ADD1: variants seen among roughly 807,000 people sequenced by gnomAD.
ADD1 encodes alpha-adducin.
In ADD1, 24 loss-of-function variants were observed where a neutral mutation model predicts 80.5. The ratio of observed to expected loss-of-function variants is 0.30; its 90% CI spans 0.22 to 0.42. The LOEUF is 0.42. Ranked by LOEUF, ADD1 falls within the 10% of genes least tolerant of loss-of-function variation. ADD1 has a pLI of 1.00. For missense variants in ADD1, 948 were observed against 1,019.0 expected, an observed-to-expected ratio of 0.93 and a Z score of 0.95; for synonymous variants, 373 against 393.8, an observed-to-expected ratio of 0.95 and a Z score of 0.63.
rs1035575295 is a variant in ADD1 at position 2,923,885 on chromosome 4, C to T, written c.1949-2129C>T. On this transcript the variant is annotated intron_variant, in intron 14 of 15. Coordinates refer to ENST00000683351, the MANE Select transcript of ADD1 (RefSeq NM_001354761.2). Reference sequence around the variant, plus strand: ...CCGAGCCCTGATTTGGACAGAAGCGCACTGCCTTCCTCACTGAGTCTTTGG... The same window carrying T: ...CCGAGCCCTGATTTGGACAGAAGCGTACTGCCTTCCTCACTGAGTCTTTGG... 4.6e-5 allele frequency among the ~76,000 whole-genome samples: 7 copies of T among 152,390 alleles called. No homozygotes were observed. The East Asian group carries it at 1.2e-3, about 25-fold the overall frequency.
intron 1 of ADD1, among the ~76,000 whole-genome samples, chr4:2,866,218 G>A (rs974442417): frequency 1.3e-5 from 2 of 152,184 alleles, no homozygotes; most frequent in Non-Finnish European, 2.9e-5. Context: ...CCAGGCTGGA[G>A]TGCAGTAGCA....
At chr4:2,872,670 C>T (rs1013317529) in intron 1 of ADD1, among the ~76,000 whole-genome samples, 4 of 152,226 alleles carry the variant, frequency 2.6e-5, no homozygotes, top group African/African-American at 9.6e-5. Flanking sequence ...GATCCTCTCT[C>T]CTCGGACTCC....
Position 2,904,789 on chromosome 4 carries a change from G to C in ADD1, c.1187G>C (p.Arg396Pro). Residue 396 changes from arginine (R) to proline (P), a missense_variant, in exon 10 of 16, where the codon CGA (arginine) becomes CCA (proline). Coordinates refer to ENST00000683351, the MANE Select transcript of ADD1 (RefSeq NM_001354761.2). ...GGCTACAGAACTGGCTACCCTTATC[G>C]ATACCCTGCTCTGAGAGAGAAGTCT... ...NLGYRTGYPY[R>P]YPALREKSKK... 6.2e-7 allele frequency: 1 copy of C among 1,614,112 alleles called. No individual in the cohort carries two copies. Among genetic ancestry groups the C allele is most frequent in the Non-Finnish European group, 8.5e-7 (1 of 1,179,998 alleles).
Position 2,905,125 on chromosome 4 carries a change from C to CTGTT in ADD1, c.1506+18_1506+21dup. ...AACTGCTTGGTCTGTGCCTACCTTACTGTTCATAGTTAGATGACGTAGAGC... is the reference window on the plus strand; with the variant it reads ...AACTGCTTGGTCTGTGCCTACCTTACTGTTTGTTCATAGTTAGATGACGTAGAGC... On this transcript the variant is annotated intron_variant, in intron 10 of 15. Transcript: ENST00000683351. 1 of 1,612,740 alleles carries CTGTT rather than the reference C, an allele frequency of 6.2e-7. No individual in the cohort carries two copies. Among genetic ancestry groups the CTGTT allele is most frequent in the South Asian group, 1.1e-5 (1 of 91,030 alleles).
chr4:2,851,091 A>T (rs540301726), intron 1 of ADD1, among the ~76,000 whole-genome samples: 2 of 152,294 alleles, frequency 1.3e-5, no homozygotes, highest in South Asian at 4.1e-4. Context: ...TCTATTGTTC[A>T]GGTTGGGGAA....
rs576019787 is a variant in ADD1 at position 2,907,814 on chromosome 4, C to T, written c.1578C>T (p.Asn526=). The T allele has an allele frequency of 3.1e-6, 5 of 1,614,032 alleles. No homozygotes were observed. In the East Asian group the frequency reaches 1.1e-4, roughly 36 times the overall value. ...VPNLFVPLNT[N]PKEVQEMRNK... is the part of the protein sequence containing the mutation. The stretch of plus-strand genomic sequence containing the variant: ...ACCTGTTTGTTCCATTGAACACTAA[C>T]CCAAAAGAGGTCCAGGAGATGAGGA... The change falls in exon 11 of 16, where the codon AAC becomes AAT. Residue 526 remains asparagine, a synonymous_variant. Coordinates refer to ENST00000683351, the MANE Select transcript of ADD1 (RefSeq NM_001354761.2).
rs1248965466 is a variant in ADD1, at chr4:2,904,931, G to A, written c.1329G>A (p.Glu443=). The change falls in exon 10 of 16, where the codon GAG becomes GAA. Residue 443 remains glutamate (E), a synonymous_variant. Coordinates refer to ENST00000683351, the MANE Select transcript of ADD1 (RefSeq NM_001354761.2). ...ACAGTTTTCAGAAGCAGCAGCGGGA[G>A]AAGACAAGATGGCTGAACTCTGGCC... The part of the protein sequence containing the change: ...LRHSFQKQQR[E]KTRWLNSGRG... 2 of 1,614,214 alleles carry A rather than the reference G, an allele frequency of 1.2e-6. No individual in the cohort carries two copies. The highest frequency in any genetic ancestry group is 2.2e-5 in the East Asian group (1 of 44,886).
intron 3 of ADD1, among the ~76,000 whole-genome samples, chr4:2,883,474 T>A (rs892368814): frequency 1.3e-5 from 2 of 152,182 alleles, no homozygotes; most frequent in Non-Finnish European, 2.9e-5. Flanking sequence ...AAATGATCCC[T>A]TAGTCTTTCT....
chr4:2,858,394 T>TGAA lies in ADD1; in HGVS notation c.-21+14371_-21+14373dup, dbSNP rs543983157. ...ATTCTCATTTTACAGATGAAGAAAC[T>TGAA]GAAATAGACAGAGATGAAGAAATGT... On this transcript the variant is annotated intron_variant, in intron 1 of 15. Coordinates refer to ENST00000683351, the MANE Select transcript of ADD1 (RefSeq NM_001354761.2). Among the ~76,000 whole-genome samples, 167 of 152,348 alleles carry TGAA rather than the reference T, an allele frequency of 1.1e-3. 1 individual carries two copies. Among genetic ancestry groups the TGAA allele is most frequent in the Admixed American group, 3.6e-3 (55 of 15,304 alleles).
chr4:2,871,633 A>G (rs1730471702), intron 1 of ADD1, among the ~76,000 whole-genome samples: 1 of 152,114 alleles, frequency 6.6e-6, no homozygotes, highest in Admixed American at 6.5e-5. Flanking sequence ...ACACATACAA[A>G]ATAGACAGCA....
chr4:2,924,602 T>C (rs551091021), intron 14 of ADD1, among the ~76,000 whole-genome samples: 2 of 152,324 alleles, frequency 1.3e-5, no homozygotes, highest in South Asian at 2.1e-4. Flanking sequence ...GCACTCCTCC[T>C]AAGAGGACCT....
At chr4:2,882,159 A>C (rs115217936) in intron 3 of ADD1, 99 bp downstream of exon 3, 1 of 1,105,596 alleles carries the variant, frequency 9.0e-7, no homozygotes, top group Admixed American at 2.9e-5. Context: ...ACTGTATAAC[A>C]TAACAGAGTT....
chr4:2,898,405 T>C (rs1735618570), intron 7 of ADD1, 28 bp from the exon 8 acceptor site: 1 of 1,613,980 alleles, frequency 6.2e-7, no homozygotes, highest in Non-Finnish European at 8.5e-7. Context: ...CCTGCCCAGC[T>C]CCACAGAGCA....
At chr4:2,886,327 A>G (rs929222069) in intron 4 of ADD1, among the ~76,000 whole-genome samples, 2 of 152,124 alleles carry the variant, frequency 1.3e-5, no homozygotes, top group Non-Finnish European at 2.9e-5. Flanking sequence ...TCTGGAGCTC[A>G]CCTTGTGATT....
intron 1 of ADD1, chr4:2,867,851 G>A (rs957240781): frequency 2.0e-5 from 3 of 152,198 alleles, no homozygotes; most frequent in African/African-American, 7.2e-5. Flanking sequence ...CAGGCAGCCC[G>A]AGTTCAGACT....
chr4:2,918,772 CAT>C lies in ADD1; in HGVS notation c.1948+3733_1948+3734del, dbSNP rs774140308. On this transcript the variant is annotated intron_variant, in intron 14 of 15. Coordinates refer to ENST00000683351, the MANE Select transcript of ADD1 (RefSeq NM_001354761.2). ...CTTTTTCTGCGTCTATTGAGATAAT[CAT>C]GTGGTTTTTGTCATTGGTTCTATTT... is the stretch of plus-strand genomic sequence containing the variant. Among the ~76,000 whole-genome samples the C allele has an allele frequency of 1.1e-4, 17 of 151,518 alleles. No individual in the cohort carries two copies. In the East Asian group the frequency reaches 2.3e-3, roughly 21 times the overall value.
intron 13 of ADD1, among the ~76,000 whole-genome samples, chr4:2,910,181 G>A (rs1298306576): frequency 6.7e-6 from 1 of 150,374 alleles, no homozygotes; most frequent in Non-Finnish European, 1.5e-5. Context: ...CACGCAGAAA[G>A]GGGCTGACCG....
intron 8 of ADD1, 83 bp from the exon 9 acceptor site, chr4:2,899,176 G>A: frequency 2.1e-6 from 3 of 1,412,610 alleles, no homozygotes; most frequent in Admixed American, 4.6e-5. Context: ...GGTTTCTTTT[G>A]AAACCTACAT....
At chr4:2,898,618 G>A (rs755854158) in intron 8 of ADD1, 87 bp downstream of exon 8, 1 of 1,138,514 alleles carries the variant, frequency 8.8e-7, no homozygotes, top group East Asian at 2.3e-5. Flanking sequence ...TTATCGAGTA[G>A]GAGAGGAGTC....
Sources: gnomAD v4.1 joint callset for allele counts (sites outside exome capture counted in the v4.1 genomes callset) on GRCh38, gnomAD v4.1.1 for gene constraint, MANE v1.5 for transcripts, NCBI Gene and HGNC (gene_info 2026-07-23, HGNC 2026-07-21) for gene names.